Variants in SOX5 observed in about 807,000 individuals in gnomAD.
The protein encoded by SOX5 is transcription factor SOX-5.
A neutral mutation model predicts 92.0 loss-of-function variants in SOX5; 9 were observed. The ratio of observed to expected loss-of-function variants is 0.10; its 90% CI spans 0.06 to 0.17. SOX5 has a LOEUF of 0.17. Ranked by LOEUF, SOX5 falls within the 10% of genes least tolerant of loss-of-function variation. SOX5 has a pLI of 1.00. For missense variants in SOX5, 642 were observed against 944.5 expected (o/e 0.68, Z 4.20); for synonymous variants, 344 against 336.3 (o/e 1.02, Z -0.25).
intron 11 of SOX5, among the ~76,000 whole-genome samples, chr12:23,559,697 GTA>G (rs564732808): frequency 8.9e-4 from 135 of 152,294 alleles, no homozygotes; most frequent in Middle Eastern, 3.4e-3. Context: ...AAGTTAATGT[GTA>G]TAAGGCTGTG....
rs751950401 is a variant in SOX5 at position 23,534,446 on chromosome 12, G to T, written c.2065C>A (p.Pro689Thr). The T allele has an allele frequency of 6.2e-7, 1 of 1,614,016 alleles. No homozygotes were observed. Among genetic ancestry groups the T allele is most frequent in the Non-Finnish European group, 8.5e-7 (1 of 1,179,986 alleles). ...GAIAMAGMPS[P>T]HLPSEHSSVS... ...CTTGAGTGCTCCGAGGGCAGGTGAG[G>T]GGAGGGCATCCCAGCCATGGCGATG... The change falls in exon 15 of 15, where the codon CCT becomes ACT. Residue 689 changes from proline to threonine, a missense_variant. By Grantham distance (38) the Pro-to-Thr change is conservative. Transcript: ENST00000451604.
intron 4 of SOX5, among the ~76,000 whole-genome samples, chr12:24,194,116 G>C (rs2139441592): frequency 6.6e-6 from 1 of 152,256 alleles, no homozygotes; most frequent in African/African-American, 2.4e-5. Context: ...GACAATAAAA[G>C]GAACTTTAAG....
At chr12:24,375,736 CAAAA>C (rs34949948) in intron 1 of SOX5, among the ~76,000 whole-genome samples, 1 of 120,348 alleles carries the variant, frequency 8.3e-6, no homozygotes, top group African/African-American at 3.2e-5. Flanking sequence ...AACTCTGTCT[CAAAA>C]AAAAAAAAAA....
At chr12:24,203,117 CACTT>C (rs1957691709) in intron 4 of SOX5, among the ~76,000 whole-genome samples, 1 of 152,128 alleles carries the variant, frequency 6.6e-6, no homozygotes, top group Admixed American at 6.5e-5. Context: ...TTTTCTCCCT[CACTT>C]ATTTATTTGT....
intron 1 of SOX5, among the ~76,000 whole-genome samples, chr12:24,490,578 G>A (rs1338325602): frequency 6.6e-6 from 1 of 151,718 alleles, no homozygotes; most frequent in African/African-American, 2.4e-5. Flanking sequence ...CACTTACACA[G>A]GAAAATTCAG....
Position 23,785,849 on chromosome 12 carries a change from A to G in SOX5, c.482-30125T>C, listed in dbSNP as rs188362677. On this transcript the variant is annotated intron_variant, in intron 3 of 14. Coordinates refer to ENST00000451604, the MANE Select transcript of SOX5 (RefSeq NM_006940.6). ...CATCCAAATCTATTTAGTCTCTCAA[A>G]GTAAGCAATAGAAGAATTATAGTTT... 2.5e-4 allele frequency among the ~76,000 whole-genome samples: 38 copies of G among 152,240 alleles called. 1 individual carries two copies. In the East Asian group the frequency reaches 6.6e-3, roughly 26 times the overall value.
At chr12:23,909,233 C>G (rs894584592) in intron 1 of SOX5, among the ~76,000 whole-genome samples, 1 of 152,136 alleles carries the variant, frequency 6.6e-6, no homozygotes, top group Non-Finnish European at 1.5e-5. Context: ...TAGAGATAAG[C>G]CTTTTGAAGT....
chr12:24,420,743 A>T (rs1965782305), intron 1 of SOX5, among the ~76,000 whole-genome samples: 1 of 152,188 alleles, frequency 6.6e-6, no homozygotes, highest in South Asian at 2.1e-4. Flanking sequence ...GCAACCCCTA[A>T]TAAATTAATG....
intron 3 of SOX5, among the ~76,000 whole-genome samples, chr12:24,217,663 C>T (rs1207565015): frequency 6.6e-6 from 1 of 152,128 alleles, no homozygotes; most frequent in Admixed American, 6.5e-5. Flanking sequence ...AAATTAAAAA[C>T]ATTTCTCCTT....
At chr12:23,872,116 G>A (rs1486389262) in intron 2 of SOX5, among the ~76,000 whole-genome samples, 3 of 145,954 alleles carry the variant, frequency 2.1e-5, no homozygotes, top group Admixed American at 6.9e-5. Flanking sequence ...TCCTGCCTCA[G>A]CCTCCCGAGT....
At chr12:23,815,605 G>A (rs2095975256) in intron 3 of SOX5, among the ~76,000 whole-genome samples, 1 of 152,094 alleles carries the variant, frequency 6.6e-6, no homozygotes, top group African/African-American at 2.4e-5. Context: ...TCAAATAAAG[G>A]GAAATGAAGT....
intron 4 of SOX5, among the ~76,000 whole-genome samples, chr12:24,117,693 T>C (rs192762956): frequency 2.8e-4 from 43 of 152,304 alleles, no homozygotes; most frequent in African/African-American, 9.6e-4. Flanking sequence ...GAGGATATTA[T>C]GCTAAGTGAA....
intron 1 of SOX5, among the ~76,000 whole-genome samples, chr12:24,537,271 C>G (rs1566419567): frequency 6.6e-6 from 1 of 152,090 alleles, no homozygotes; most frequent in Non-Finnish European, 1.5e-5. Context: ...TAAGAACAAC[C>G]AAAGTTTTAC....
At chr12:23,828,211 C>T (rs1378279628) in intron 3 of SOX5, among the ~76,000 whole-genome samples, 1 of 152,158 alleles carries the variant, frequency 6.6e-6, no homozygotes, top group African/African-American at 2.4e-5. Flanking sequence ...CGATAGGCTA[C>T]ACCATCTAGT....
chr12:24,293,658 G>A lies in SOX5; in HGVS notation c.-173-16346C>T, dbSNP rs150636581. On this transcript the variant is annotated intron_variant, in intron 2 of 4. Transcript: ENST00000446891. ...ACAGACATTAATATTCCAGAAGGTG[G>A]GCATTTATATATCAATATCAATATT... Among the ~76,000 whole-genome samples, 264 of 152,118 alleles carry A rather than the reference G, an allele frequency of 1.7e-3. 2 individuals carry two copies. The highest frequency in any genetic ancestry group is 5.8e-3 in the African/African-American group (241 of 41,490).
chr12:24,220,445 G>T (rs1380414923), intron 3 of SOX5, among the ~76,000 whole-genome samples: 1 of 150,422 alleles, frequency 6.6e-6, no homozygotes, highest in Admixed American at 6.6e-5. Flanking sequence ...AGAATTACAG[G>T]AATTTTTTAC....
At chr12:24,121,832 G>A (rs368284148) in intron 4 of SOX5, among the ~76,000 whole-genome samples, 1 of 138,890 alleles carries the variant, frequency 7.2e-6, no homozygotes, top group Admixed American at 8.0e-5. Context: ...GTTGCAGTGA[G>A]CCGAGATCGT....
At chr12:24,543,333 T>A (rs1952317073) in intron 1 of SOX5, among the ~76,000 whole-genome samples, 1 of 152,238 alleles carries the variant, frequency 6.6e-6, no homozygotes, top group Non-Finnish European at 1.5e-5. Flanking sequence ...AAGGTTTAAA[T>A]GAATGAATAA....
At chr12:24,185,510 A>C (rs763050026) in intron 4 of SOX5, among the ~76,000 whole-genome samples, 4 of 152,160 alleles carry the variant, frequency 2.6e-5, no homozygotes, top group Non-Finnish European at 5.9e-5. Context: ...ACTAGCCTGA[A>C]CATTCTAGAA....
Sources: allele counts gnomAD v4.1 joint callset (sites outside exome capture counted in the v4.1 genomes callset), GRCh38; gene constraint gnomAD v4.1.1; transcripts MANE v1.5; gene names NCBI Gene and HGNC (gene_info 2026-07-23, HGNC 2026-07-21).